RCSD1: variants seen among roughly 807,000 people sequenced by gnomAD.
RCSD1 encodes RCSD domain containing 1, also known as capZ-interacting protein.
Under a neutral mutation model 42.5 loss-of-function variants are expected in RCSD1, and 26 were observed. That is an observed-to-expected ratio of 0.61 (90% CI 0.45 to 0.85). The LOEUF is 0.85. RCSD1 is among the 40% of genes least tolerant of loss of function. RCSD1 has a pLI of 0.00. For synonymous variants in RCSD1, 220 were observed against 212.2 expected, an observed-to-expected ratio of 1.04 and a Z score of -0.32; for missense variants, 571 against 528.3, an observed-to-expected ratio of 1.08 and a Z score of -0.79.
intron 3 of RCSD1, among the ~76,000 whole-genome samples, 158 bp from the exon 4 acceptor site, chr1:167,689,891 G>A (rs972182700): frequency 2.6e-5 from 4 of 152,178 alleles, no homozygotes; most frequent in East Asian, 1.9e-4. Context: ...GAAAGTTCAC[G>A]TCGCCCAGGC....
chr1:167,699,362 G>T (rs1659587242), intron 6 of RCSD1, among the ~76,000 whole-genome samples: 1 of 152,078 alleles, frequency 6.6e-6, no homozygotes, highest in Non-Finnish European at 1.5e-5. Context: ...AGCAGTTCTG[G>T]GGGAGAATCT....
At chr1:167,684,848 C>T (rs184580991) in intron 2 of RCSD1, among the ~76,000 whole-genome samples, 5 of 152,140 alleles carry the variant, frequency 3.3e-5, no homozygotes, top group East Asian at 1.9e-4. Context: ...CACTCCAGCC[C>T]GGGCAACAAG....
Position 167,697,834 on chromosome 1 carries a change from A to G in RCSD1, c.1210A>G (p.Lys404Glu). ...GGTCCAGAGCGAGCCAGCAGTCCCCAAGCCGGAGGTAGGTGGCCTGGCTCG... is the reference window on the plus strand; with the variant it reads ...GGTCCAGAGCGAGCCAGCAGTCCCCGAGCCGGAGGTAGGTGGCCTGGCTCG... ...SEVQSEPAVP[K>E]PEDDTPVQDT... The change falls in exon 6 of 7, where the codon AAG becomes GAG. Residue 404 changes from lysine to glutamate, a missense_variant. By Grantham distance (56) the Lys-to-Glu change is moderately conservative. Transcript: ENST00000367854. 6.8e-7 allele frequency: 1 copy of G among 1,463,396 alleles called. No homozygotes were observed. The allele number at this position is 1,463,396 out of a possible 1,614,324, so 90.7% of individuals were successfully genotyped here.
At chr1:167,661,615 G>C (rs1021887359) in intron 1 of RCSD1, among the ~76,000 whole-genome samples, 5 of 152,370 alleles carry the variant, frequency 3.3e-5, no homozygotes, top group Admixed American at 2.6e-4. Context: ...CTGGGCTCCT[G>C]GAGGCCACTA....
chr1:167,688,598 A>G (rs1401233696), intron 3 of RCSD1, among the ~76,000 whole-genome samples: 2 of 152,204 alleles, frequency 1.3e-5, no homozygotes, highest in African/African-American at 2.4e-5. Context: ...TCCTGCCAAA[A>G]CTAGAATTAG....
intron 1 of RCSD1, among the ~76,000 whole-genome samples, chr1:167,631,106 C>T (rs1045448544): frequency 8.5e-5 from 13 of 152,256 alleles, no homozygotes; most frequent in Non-Finnish European, 1.9e-4. Context: ...ATGCTGGCCA[C>T]ATCTGCAGGC....
chr1:167,665,959 G>A (rs1658645770), intron 1 of RCSD1, among the ~76,000 whole-genome samples: 1 of 152,050 alleles, frequency 6.6e-6, no homozygotes, highest in African/African-American at 2.4e-5. Context: ...TTACAGGCGT[G>A]TGCCACCACA....
chr1:167,664,009 A>C (rs1356752694), intron 1 of RCSD1: 2 of 152,238 alleles, frequency 1.3e-5, no homozygotes, highest in African/African-American at 4.8e-5. Flanking sequence ...CTAAGATCAC[A>C]CATCTAGTAA....
intron 1 of RCSD1, among the ~76,000 whole-genome samples, chr1:167,669,790 G>T (rs1031052220): frequency 7.2e-5 from 11 of 152,190 alleles, no homozygotes; most frequent in Admixed American, 1.3e-4. Context: ...GGGACCAGAG[G>T]GCCCAGCACC....
chr1:167,631,276 G>T (rs765538864), intron 1 of RCSD1, among the ~76,000 whole-genome samples: 1 of 152,216 alleles, frequency 6.6e-6, no homozygotes, highest in Non-Finnish European at 1.5e-5. Context: ...CCTTGAAAAT[G>T]AGACCTGATA....
intron 3 of RCSD1, among the ~76,000 whole-genome samples, chr1:167,688,969 A>G (rs73033858): frequency 0.19 from 29,386 of 152,094 alleles, 5,511 homozygotes; most frequent in African/African-American, 0.49. Flanking sequence ...TACGCAAAAC[A>G]CAGAGTTAAT....
At position 167,694,233 on chromosome 1, in the gene RCSD1, C is replaced by T. The variant is rs747930724; in HGVS notation, c.405C>T (p.Ser135=). Residue 135 remains serine, a synonymous_variant, in exon 5 of 7, where the codon AGC becomes AGT. Transcript: ENST00000367854. ...PSSPGVRSRP[S]EAEEVPVSFD... is the part of the protein sequence containing the mutation. ...GCCCTGGTGTGCGATCTAGGCCCAG[C>T]GAGGCAGAGGAGGTGCCTGTCAGCT... 10 of 1,614,182 alleles carry T rather than the reference C, an allele frequency of 6.2e-6. No homozygotes were observed. The highest frequency in any genetic ancestry group is 1.3e-5 in the African/African-American group (1 of 75,044).
At chr1:167,693,759 G>C (rs113708724) in intron 4 of RCSD1, among the ~76,000 whole-genome samples, 138 of 152,332 alleles carry the variant, frequency 9.1e-4, no homozygotes, top group African/African-American at 3.0e-3. Flanking sequence ...CTGACTTCCT[G>C]TGAGATCCTG....
chr1:167,658,641 G>A (rs1441453077), intron 1 of RCSD1, among the ~76,000 whole-genome samples: 4 of 151,916 alleles, frequency 2.6e-5, no homozygotes, highest in Non-Finnish European at 5.9e-5. Flanking sequence ...ATATTGGCCA[G>A]GCTGGCCTAG....
At chr1:167,677,350 C>T (rs1369123996) in intron 1 of RCSD1, among the ~76,000 whole-genome samples, 2 of 152,174 alleles carry the variant, frequency 1.3e-5, no homozygotes, top group African/African-American at 4.8e-5. Flanking sequence ...CCCTCTATCA[C>T]TTTAGCCAAA....
intron 1 of RCSD1, chr1:167,665,046 A>G (rs1203715065): frequency 6.6e-6 from 1 of 150,826 alleles, no homozygotes. Context: ...TCACCAAAAA[A>G]AAAAAAAAAA....
At chr1:167,671,944 T>C (rs1440060843) in intron 1 of RCSD1, among the ~76,000 whole-genome samples, 1 of 152,166 alleles carries the variant, frequency 6.6e-6, no homozygotes, top group Non-Finnish European at 1.5e-5. Context: ...TGCTTACCCT[T>C]CAGGCTTGGC....
Position 167,707,670 on chromosome 1 carries a change from T to TC in RCSD1, c.*2975dup, listed in dbSNP as rs1659789552. On this transcript the variant is annotated 3_prime_UTR_variant, in exon 7 of 7. Coordinates refer to ENST00000367854, the MANE Select transcript of RCSD1 (RefSeq NM_052862.4). The stretch of plus-strand genomic sequence containing the variant: ...GTCTCTTTTTTCTCTTCTTTTCTCT[T>TC]CTTTTTTTTTGAATGAGACAGAGTC... 7.4e-6 allele frequency among the ~76,000 whole-genome samples: 1 copy of TC among 134,670 alleles called. No homozygotes were observed. Among genetic ancestry groups the TC allele is most frequent in the Admixed American group, 7.2e-5 (1 of 13,884 alleles). 88.3% of individuals were successfully genotyped at this position (134,670 alleles called of 152,430 possible). A position where few individuals can be genotyped will look rare whatever the true frequency, so the allele number is the denominator to read the frequency against.
intron 1 of RCSD1, among the ~76,000 whole-genome samples, chr1:167,643,998 C>T (rs748472390): frequency 2.1e-4 from 32 of 152,116 alleles, no homozygotes; most frequent in South Asian, 1.5e-3. Context: ...GCAAAACTGC[C>T]GGTAAATCTC....
Sources: allele counts gnomAD v4.1 joint callset (sites outside exome capture counted in the v4.1 genomes callset), GRCh38; gene constraint gnomAD v4.1.1; transcripts MANE v1.5; gene names NCBI Gene and HGNC (gene_info 2026-07-23, HGNC 2026-07-21).